SPON2: variants seen among roughly 807,000 people sequenced by gnomAD.
SPON2 encodes spondin 2.
SPON2 carries 32 observed loss-of-function variants against 29.9 expected under a neutral mutation model. The observed-to-expected ratio is 1.07, with a 90% CI of 0.81 to 1.44. The LOEUF (loss-of-function observed/expected upper bound fraction) is 1.44. Ranked by LOEUF, SPON2 falls within the 40% of genes most tolerant of loss-of-function variation. The pLI is 0.00. For synonymous variants in SPON2, 248 were observed against 209.1 expected, an observed-to-expected ratio of 1.19 and a Z score of -1.61; for missense variants, 541 against 455.5, an observed-to-expected ratio of 1.19 and a Z score of -1.71.
chr4:1,198,396 ACTTTAAC>A (rs917817895), upstream of SPON2, among the ~76,000 whole-genome samples: 6 of 152,214 alleles, frequency 3.9e-5, no homozygotes, highest in African/African-American at 1.4e-4. Flanking sequence ...TCCCAGGGTT[ACTTTAAC>A]CTTCCCAAGA....
Position 1,167,301 on chromosome 4 carries a change from C to G in SPON2, c.*171G>C, listed in dbSNP as rs1050153978. Reference sequence around the variant, plus strand: ...AAGGAGGAGGCTGTTTCCCAATGCCCGTGCCGGCCACCAGAGGGCCCTTCA... The same window carrying G: ...AAGGAGGAGGCTGTTTCCCAATGCCGGTGCCGGCCACCAGAGGGCCCTTCA... On this transcript the variant is annotated 3_prime_UTR_variant, in exon 6 of 6. Coordinates refer to ENST00000290902, the MANE Select transcript of SPON2 (RefSeq NM_012445.4). The G allele has an allele frequency of 3.1e-6, 2 of 637,808 alleles. No homozygotes were observed. Among genetic ancestry groups the G allele is most frequent in the East Asian group, 3.0e-5 (1 of 33,504 alleles). The allele number at this position is 637,808 out of a possible 1,614,324, so 39.5% of individuals were successfully genotyped here.
intron 5 of SPON2, 113 bp downstream of exon 5, chr4:1,170,289 G>T: frequency 1.0e-6 from 1 of 957,704 alleles, no homozygotes; most frequent in South Asian, 1.5e-5. Flanking sequence ...CTTGCAGTAC[G>T]CACTACGAAT....
chr4:1,207,580 CACAT>C (rs766780130), intron 1 of SPON2, among the ~76,000 whole-genome samples: 7,896 of 150,776 alleles, frequency 0.052, 211 homozygotes, highest in East Asian at 0.14. Context: ...GCCGCGCTTA[CACAT>C]GCTCCAGAGG....
chr4:1,181,098 C>A (rs1428380073), intron 1 of SPON2, among the ~76,000 whole-genome samples: 1 of 152,112 alleles, frequency 6.6e-6, no homozygotes, highest in South Asian at 2.1e-4. Flanking sequence ...ATTATCAAAC[C>A]GTCAAAGCCA....
chr4:1,167,843 C>G (rs1727297168), intron 5 of SPON2, 187 bp from the exon 6 acceptor site: 2 of 559,118 alleles, frequency 3.6e-6, no homozygotes, highest in African/African-American at 3.8e-5. Context: ...CAACCTCGGA[C>G]ACAACCTAGG....
chr4:1,184,643 A>G (rs1195985138), intron 1 of SPON2, among the ~76,000 whole-genome samples: 1 of 152,204 alleles, frequency 6.6e-6, no homozygotes, highest in East Asian at 1.9e-4. Flanking sequence ...AATCAAGAAT[A>G]CAATAAGCTG....
chr4:1,176,308 G>T (rs1008878658), upstream of SPON2, among the ~76,000 whole-genome samples: 4 of 152,062 alleles, frequency 2.6e-5, no homozygotes, highest in Non-Finnish European at 5.9e-5. Flanking sequence ...ACTTTGCAAG[G>T]TGTCCCCCCA....
At chr4:1,206,684 C>G (rs570454145) in intron 1 of SPON2, among the ~76,000 whole-genome samples, 10 of 152,262 alleles carry the variant, frequency 6.6e-5, no homozygotes, top group African/African-American at 2.4e-4. Flanking sequence ...GGAGGCAGGG[C>G]CTGAGGCTCA....
intron 4 of SPON2, chr4:1,170,796 C>T: frequency 1.0e-6 from 1 of 955,514 alleles, no homozygotes; most frequent in South Asian, 1.4e-5. Context: ...CGCTGTCCTC[C>T]CTGCGGTGCT....
intron 4 of SPON2, 147 bp downstream of exon 4, chr4:1,170,852 C>A: frequency 8.4e-7 from 1 of 1,194,180 alleles, no homozygotes; most frequent in Non-Finnish European, 1.2e-6. Flanking sequence ...CCCCCTTGCT[C>A]ACTGCTGGCG....
upstream of SPON2, among the ~76,000 whole-genome samples, chr4:1,198,447 A>G (rs1728120638): frequency 6.6e-6 from 1 of 152,228 alleles, no homozygotes; most frequent in African/African-American, 2.4e-5. Flanking sequence ...AATTCATCTC[A>G]TGAAACCAGG....
intron 1 of SPON2, among the ~76,000 whole-genome samples, chr4:1,186,269 A>G (rs1482124473): frequency 1.3e-5 from 2 of 151,408 alleles, no homozygotes; most frequent in Non-Finnish European, 2.9e-5. Flanking sequence ...AGGCAACATC[A>G]ACAGAGTAAA....
intron 1 of SPON2, among the ~76,000 whole-genome samples, chr4:1,184,995 A>C (rs1727765476): frequency 6.6e-6 from 1 of 152,118 alleles, no homozygotes; most frequent in African/African-American, 2.4e-5. Context: ...TATGCCAGAA[A>C]TAAACTCTCA....
intron 1 of SPON2, among the ~76,000 whole-genome samples, chr4:1,206,188 C>T (rs888923191): frequency 6.6e-6 from 1 of 152,220 alleles, no homozygotes; most frequent in African/African-American, 2.4e-5. Flanking sequence ...CCCCTCCCTG[C>T]TCCTCATGTG....
intron 2 of SPON2, among the ~76,000 whole-genome samples, chr4:1,178,626 C>T (rs1056199535): frequency 9.3e-5 from 14 of 150,656 alleles, no homozygotes; most frequent in African/African-American, 2.9e-4. Flanking sequence ...TCAGGGAGAA[C>T]AGCTGCAGGC....
intron 1 of SPON2, among the ~76,000 whole-genome samples, chr4:1,207,523 G>A (rs1728371225): frequency 6.6e-6 from 1 of 151,662 alleles, no homozygotes; most frequent in Non-Finnish European, 1.5e-5. Flanking sequence ...CTGTTTCCAT[G>A]TGCCGCGCTT....
chr4:1,170,669 G>T lies in SPON2; in HGVS notation c.637-93C>A, dbSNP rs926123430. The T allele has an allele frequency of 5.0e-6, 7 of 1,408,386 alleles. No individual in the cohort carries two copies. In the African/African-American group the frequency reaches 7.2e-5, roughly 14 times the overall value. 87.2% of individuals were successfully genotyped at this position (1,408,386 alleles called of 1,614,324 possible). On this transcript the variant is annotated intron_variant, in intron 4 of 5. Coordinates refer to ENST00000290902, the MANE Select transcript of SPON2 (RefSeq NM_012445.4). ...CACTGGGGCCACTGCCCAGCGTCCA[G>T]CGTGCCCTCTGCACCACTGTTGGGG...
At chr4:1,201,231 T>A (rs780167463) in intron 1 of SPON2, 1 of 420,350 alleles carries the variant, frequency 2.4e-6, no homozygotes, top group Non-Finnish European at 4.9e-6. Flanking sequence ...GGGGTGGGTC[T>A]GGCCCTGTGC....
intron 1 of SPON2, among the ~76,000 whole-genome samples, chr4:1,186,693 C>T (rs932493981): frequency 2.6e-5 from 4 of 152,160 alleles, no homozygotes; most frequent in Admixed American, 2.0e-4. Context: ...AGACAAAAAA[C>T]TCAATTTAAA....
Sources: allele counts gnomAD v4.1 joint callset (sites outside exome capture counted in the v4.1 genomes callset), GRCh38; gene constraint gnomAD v4.1.1; transcripts MANE v1.5; gene names NCBI Gene and HGNC (gene_info 2026-07-23, HGNC 2026-07-21).